Variants in OCA2 observed in about 807,000 individuals in gnomAD.
The protein encoded by OCA2 is OCA2 melanosomal transmembrane protein.
In OCA2, 77 loss-of-function variants were observed where a neutral mutation model predicts 100.2. The observed-to-expected ratio is 0.77, with a 90% CI of 0.64 to 0.93. The LOEUF (loss-of-function observed/expected upper bound fraction) is 0.93, where lower values mean the gene tolerates loss of function less well. OCA2 is among the 40% of genes least tolerant of loss of function. OCA2 has a pLI of 0.00. For synonymous variants in OCA2, 432 were observed against 439.2 expected, an observed-to-expected ratio of 0.98 and a Z score of 0.21; for missense variants, 1,062 against 1,089.1, an observed-to-expected ratio of 0.98 and a Z score of 0.35.
intron 6 of OCA2, among the ~76,000 whole-genome samples, chr15:28,020,094 C>T (rs1006009828): frequency 6.6e-6 from 1 of 152,076 alleles, no homozygotes; most frequent in African/African-American, 2.4e-5. Context: ...GAAGGCCACA[C>T]AGGGAGCAGG....
chr15:28,039,154 A>G (rs186277387), intron 2 of OCA2, among the ~76,000 whole-genome samples: 35 of 117,356 alleles, frequency 3.0e-4, no homozygotes, highest in Admixed American at 2.4e-3. Flanking sequence ...GCTCCAAAAT[A>G]TATGATGCTG....
At chr15:27,892,611 G>T (rs2037510928) in intron 19 of OCA2, among the ~76,000 whole-genome samples, 1 of 151,924 alleles carries the variant, frequency 6.6e-6, no homozygotes, top group South Asian at 2.1e-4. Context: ...GAAAAGAAAG[G>T]AAATCTCATA....
chr15:27,721,936 C>T, the OCA2 span, among the ~76,000 whole-genome samples: 1 of 152,156 alleles, frequency 6.6e-6, no homozygotes, highest in Non-Finnish European at 1.5e-5. Flanking sequence ...CAAGAGATGA[C>T]CTCTGTGTCT....
intron 19 of OCA2, among the ~76,000 whole-genome samples, chr15:27,901,272 C>T (rs1248355088): frequency 6.6e-6 from 1 of 152,220 alleles, no homozygotes; most frequent in African/African-American, 2.4e-5. Flanking sequence ...CCTCATTGCC[C>T]TTTAGTCCTG....
chr15:27,906,119 A>T (rs540789986), intron 19 of OCA2, among the ~76,000 whole-genome samples: 1 of 152,254 alleles, frequency 6.6e-6, no homozygotes, highest in African/African-American at 2.4e-5. Flanking sequence ...ATAGCATGAT[A>T]GGGCCACTAT....
chr15:27,958,817 C>A (rs2040315925), intron 15 of OCA2, among the ~76,000 whole-genome samples: 1 of 152,082 alleles, frequency 6.6e-6, no homozygotes, highest in African/African-American at 2.4e-5. Context: ...CTGCCTATAG[C>A]AAGAATTAAA....
chr15:27,980,148 G>T (rs1221966382), intron 14 of OCA2, among the ~76,000 whole-genome samples: 9 of 151,738 alleles, frequency 5.9e-5, no homozygotes, highest in African/African-American at 1.2e-4. Flanking sequence ...TTTTGAGACA[G>T]AGTCTCGCTC....
intron 19 of OCA2, among the ~76,000 whole-genome samples, chr15:27,882,826 C>G (rs865864677): frequency 2.6e-5 from 4 of 152,192 alleles, no homozygotes; most frequent in Admixed American, 6.5e-5. Flanking sequence ...CAGTAGCCAG[C>G]CACATGCTTG....
chr15:27,943,520 ACT>A (rs2039722919), intron 18 of OCA2, among the ~76,000 whole-genome samples: 1 of 151,730 alleles, frequency 6.6e-6, no homozygotes, highest in South Asian at 2.1e-4. Flanking sequence ...TTTCCCTAAG[ACT>A]CTGGTAATTT....
chr15:27,898,574 G>A (rs185695528), intron 19 of OCA2, among the ~76,000 whole-genome samples: 166 of 152,268 alleles, frequency 1.1e-3, no homozygotes, highest in Admixed American at 2.0e-3. Flanking sequence ...TTTCTTCCCT[G>A]TCTCAGGTAT....
intron 21 of OCA2, among the ~76,000 whole-genome samples, chr15:27,860,761 G>A (rs1220397570): frequency 2.6e-5 from 4 of 152,168 alleles, no homozygotes; most frequent in Non-Finnish European, 4.4e-5. Flanking sequence ...TGATGGACAC[G>A]CAAGGGCACA....
At chr15:27,855,159 G>T (rs1326643440) in intron 21 of OCA2, among the ~76,000 whole-genome samples, 2 of 152,182 alleles carry the variant, frequency 1.3e-5, no homozygotes, top group Admixed American at 6.5e-5. Flanking sequence ...GAGCCCAAGG[G>T]TCTCCCCGCA....
chr15:27,841,883 G>A lies in OCA2; in HGVS notation c.2432+3076C>T, dbSNP rs183824215. On this transcript the variant is annotated intron_variant, in intron 23 of 23. Transcript: ENST00000354638. ...AGATGAACCTTGAGCATTTCAAATG[G>A]CAGTGACGAGTTTCAGCAGTGAAGT... Among the ~76,000 whole-genome samples the A allele has an allele frequency of 1.4e-4, 22 of 152,320 alleles. No individual in the cohort carries two copies. In the East Asian group the frequency reaches 4.2e-3, roughly 29 times the overall value.
At chr15:28,078,487 C>T (rs1339258372) in intron 2 of OCA2, among the ~76,000 whole-genome samples, 1 of 152,256 alleles carries the variant, frequency 6.6e-6, no homozygotes, top group Admixed American at 6.5e-5. Context: ...TCCCTTGTGC[C>T]TGCCCAGATG....
intron 23 of OCA2, among the ~76,000 whole-genome samples, chr15:27,811,068 A>G (rs1217785261): frequency 6.6e-6 from 1 of 152,050 alleles, no homozygotes; most frequent in East Asian, 1.9e-4. Context: ...GACACCGTAC[A>G]TGCATGTTTA....
the OCA2 span, among the ~76,000 whole-genome samples, chr15:27,732,230 A>C: frequency 6.6e-6 from 1 of 152,242 alleles, no homozygotes; most frequent in Non-Finnish European, 1.5e-5. Context: ...GAAAATTGTG[A>C]AAATAGCCAG....
chr15:27,832,081 T>C (rs569487916), intron 23 of OCA2, among the ~76,000 whole-genome samples: 25 of 152,082 alleles, frequency 1.6e-4, no homozygotes, highest in Non-Finnish European at 3.4e-4. Flanking sequence ...ACGTCCCTCA[T>C]GCAGCCTCAC....
intron 2 of OCA2, among the ~76,000 whole-genome samples, chr15:28,048,174 C>A (rs557972492): frequency 6.6e-6 from 1 of 152,136 alleles, no homozygotes; most frequent in Non-Finnish European, 1.5e-5. Context: ...GACTTAATGT[C>A]ATTAATATTT....
intron 8 of OCA2, 86 bp downstream of exon 8, chr15:28,016,018 C>T (rs943176366): frequency 1.2e-5 from 13 of 1,041,808 alleles, no homozygotes; most frequent in East Asian, 9.5e-5. Flanking sequence ...CTGTGTGGGC[C>T]GAAATCAGTG....
Sources: gnomAD v4.1 joint callset for allele counts (sites outside exome capture counted in the v4.1 genomes callset) on GRCh38, gnomAD v4.1.1 for gene constraint, MANE v1.5 for transcripts, NCBI Gene and HGNC (gene_info 2026-07-23, HGNC 2026-07-21) for gene names.